MMP9: variants seen among roughly 807,000 people sequenced by gnomAD.
The protein encoded by MMP9 is matrix metalloproteinase-9.
In MMP9, 73 loss-of-function variants were observed where a neutral mutation model predicts 76.4. The observed-to-expected ratio is 0.96, with a 90% CI of 0.79 to 1.16. The LOEUF (loss-of-function observed/expected upper bound fraction) is 1.16. Among genes scored for constraint, MMP9 ranks in the 50% most tolerant of loss-of-function variants. MMP9 has a pLI of 0.00. For synonymous variants in MMP9, 412 were observed against 408.4 expected (o/e 1.01, Z -0.11); for missense variants, 943 against 973.0 (o/e 0.97, Z 0.41).
At chr20:46,010,231 C>T (rs2084267266) in intron 2 of MMP9, 133 bp downstream of exon 2, 3 of 904,356 alleles carry the variant, frequency 3.3e-6, no homozygotes, top group Non-Finnish European at 3.3e-6. Context: ...TGGGGAGTGT[C>T]CCCACCTCTG....
chr20:46,011,626 C>G lies in MMP9; in HGVS notation c.876C>G (p.Phe292Leu). The change falls in exon 6 of 13, where the codon TTC becomes TTG. Residue 292 changes from phenylalanine (F) to leucine (L), a missense_variant. Physicochemically the swap from Phe to Leu is conservative, Grantham distance 22. Transcript: ENST00000372330. Reference sequence around the variant, plus strand: ...ATGGGAAACCCTGCCAGTTTCCATTCATCTTCCAAGGCCAATCCTACTCCG... The same window carrying G: ...ATGGGAAACCCTGCCAGTTTCCATTGATCTTCCAAGGCCAATCCTACTCCG... ...NADGKPCQFP[F>L]IFQGQSYSAC... 5 of 1,613,942 alleles carry G rather than the reference C, an allele frequency of 3.1e-6. No homozygotes were observed. Among genetic ancestry groups the G allele is most frequent in the Non-Finnish European group, 4.2e-6 (5 of 1,179,984 alleles).
intron 8 of MMP9, 78 bp downstream of exon 8, chr20:46,012,660 G>GC: frequency 7.9e-7 from 1 of 1,267,960 alleles, no homozygotes; most frequent in Non-Finnish European, 1.1e-6. Flanking sequence ...GGGGGTTGGG[G>GC]ATCGGGGGAG....
At chr20:46,012,649 T>TGG in intron 8 of MMP9, 67 bp downstream of exon 8, 3 of 786,654 alleles carry the variant, frequency 3.8e-6, no homozygotes, top group Non-Finnish European at 3.6e-6. Flanking sequence ...ACCAAAGAAT[T>TGG]GGGGGTTGGG....
chr20:46,014,953 A>G (rs3918261), intron 12 of MMP9, among the ~76,000 whole-genome samples: 24,775 of 152,158 alleles, frequency 0.16, 2,125 homozygotes, highest in South Asian at 0.3. Flanking sequence ...GACAAGGTGA[A>G]CAAGATTTCC....
At chr20:46,011,899 A>G in intron 6 of MMP9, 152 bp downstream of exon 6, 1 of 1,080,384 alleles carries the variant, frequency 9.3e-7, no homozygotes, top group Non-Finnish European at 1.3e-6. Flanking sequence ...CATTTCCACC[A>G]CTATCCCTGA....
In MMP9 at chr20:46,011,042, A is replaced by G; in HGVS notation, c.641A>G (p.Lys214Arg). ...FDDDELWSLG[K>R]GVVVPTRFGN... ...GATGACGAGTTGTGGTCCCTGGGCAAGGGCGTCGGTGAGATTCTGAGTCCT... is the reference window on the plus strand; with the variant it reads ...GATGACGAGTTGTGGTCCCTGGGCAGGGGCGTCGGTGAGATTCTGAGTCCT... Residue 214 changes from lysine (K) to arginine (R), a missense_variant, in exon 4 of 13, where the codon AAG becomes AGG. Transcript: ENST00000372330. 1 of 1,610,226 alleles carries G rather than the reference A, an allele frequency of 6.2e-7. No homozygotes were observed. The highest frequency in any genetic ancestry group is 8.5e-7 in the Non-Finnish European group (1 of 1,177,664).
Position 46,016,501 on chromosome 20 carries a change from C to T in MMP9, c.*133C>T. The stretch of plus-strand genomic sequence containing the variant: ...GAGGAGTGGAGGTGGGCTGGGCCCT[C>T]TCTTCTCACCTTTGTTTTTTGTTGG... On this transcript the variant is annotated 3_prime_UTR_variant, in exon 13 of 13. Coordinates refer to ENST00000372330, the MANE Select transcript of MMP9 (RefSeq NM_004994.3). The T allele has an allele frequency of 1.3e-6, 1 of 746,086 alleles. No individual in the cohort carries two copies. 46.2% of individuals were successfully genotyped at this position (746,086 alleles called of 1,614,324 possible).
chr20:46,010,734 T>C, intron 3 of MMP9, 103 bp downstream of exon 3: 2 of 1,540,462 alleles, frequency 1.3e-6, no homozygotes, highest in South Asian at 1.2e-5. Context: ...TCCTCTTGCC[T>C]GCCCGCGCTG....
intron 2 of MMP9, 27 bp downstream of exon 2, chr20:46,010,125 G>C (rs994927689): frequency 6.6e-7 from 1 of 1,514,152 alleles, no homozygotes; most frequent in Non-Finnish European, 9.0e-7. Flanking sequence ...GGGGCAGCGG[G>C]GTGGGGCGGG....
chr20:46,010,771 A>G (rs2084273539), intron 3 of MMP9, 140 bp downstream of exon 3: 14 of 1,551,432 alleles, frequency 9.0e-6, no homozygotes, highest in Non-Finnish European at 1.2e-5. Flanking sequence ...CCCTCCTGCC[A>G]GACAGTGCAC....
chr20:46,012,619 G>A, intron 8 of MMP9, 37 bp downstream of exon 8: 2 of 1,611,082 alleles, frequency 1.2e-6, no homozygotes, highest in Non-Finnish European at 1.7e-6. Context: ...GGAGGGGAAA[G>A]GGCGTGGCTG....
Position 46,012,302 on chromosome 20 carries a change from G to A in MMP9, c.1163G>A (p.Cys388Tyr), listed in dbSNP as rs1220377464. 5 of 1,613,332 alleles carry A rather than the reference G, an allele frequency of 3.1e-6. No homozygotes were observed. The highest frequency in any genetic ancestry group is 3.4e-6 in the Non-Finnish European group (4 of 1,180,002). The change falls in exon 7 of 13, where the codon TGC becomes TAC. Residue 388 changes from cysteine (C) to tyrosine (Y), a missense_variant. Coordinates refer to ENST00000372330, the MANE Select transcript of MMP9 (RefSeq NM_004994.3). ...GACAGCGACAAGAAGTGGGGCTTCT[G>A]CCCGGACCAAGGTAGGCGTGGTCCC... The part of the protein sequence containing the change: ...NFDSDKKWGF[C>Y]PDQGYSLFLV...
chr20:46,010,875 CGCA>C, intron 3 of MMP9, 44 bp from the exon 4 acceptor site: 1 of 1,614,088 alleles, frequency 6.2e-7, no homozygotes, highest in Non-Finnish European at 8.5e-7. Context: ...GCACAATCTG[CGCA>C]GCAGTACTCG....
At position 46,013,852 on chromosome 20, in the gene MMP9, T is replaced by G; in HGVS notation, c.1750+56T>G. On this transcript the variant is annotated intron_variant, in intron 10 of 12. Coordinates refer to ENST00000372330, the MANE Select transcript of MMP9 (RefSeq NM_004994.3). This position sits in a 1 kb window ranked among gnomAD's most constrained non-coding sequence, Gnocchi z 4.5. ...GTCAATCCCCATCAGTCAAGGAGGC[T>G]CAAGAGACCATCGATAACCCACGAA... 6.2e-7 allele frequency: 1 copy of G among 1,606,284 alleles called. No individual in the cohort carries two copies. The highest frequency in any genetic ancestry group is 8.5e-7 in the Non-Finnish European group (1 of 1,176,454).
Position 46,013,986 on chromosome 20 carries a change from C to T in MMP9, c.1751-138C>T. On this transcript the variant is annotated intron_variant, in intron 10 of 12. Coordinates refer to ENST00000372330, the MANE Select transcript of MMP9 (RefSeq NM_004994.3). The surrounding 1 kb of genome is among the most constrained non-coding windows in gnomAD (Gnocchi z 4.5). ...TCTCCACGCCCTCGCGTCGCTCTACCCAGCGCCTCTGCCCCTGGGTTGCAG... is the reference window on the plus strand; with the variant it reads ...TCTCCACGCCCTCGCGTCGCTCTACTCAGCGCCTCTGCCCCTGGGTTGCAG... 1 of 1,437,520 alleles carries T rather than the reference C, an allele frequency of 7.0e-7. No individual in the cohort carries two copies. Among genetic ancestry groups the T allele is most frequent in the East Asian group, 2.5e-5 (1 of 40,224 alleles). 89.0% of individuals were successfully genotyped at this position (1,437,520 alleles called of 1,614,324 possible).
In MMP9 at chr20:46,010,475, C is replaced by G. The variant is rs765973004; in HGVS notation, c.372-8C>G. 29 of 1,613,912 alleles carry G rather than the reference C, an allele frequency of 1.8e-5. No individual in the cohort carries two copies. The highest frequency in any genetic ancestry group is 3.4e-6 in the Non-Finnish European group (4 of 1,180,036). ...TCTGACCTCCTTCCTCTGGCTCTTACGCTACAGGATCCAAAACTACTCGGA... is the reference window on the plus strand; with the variant it reads ...TCTGACCTCCTTCCTCTGGCTCTTAGGCTACAGGATCCAAAACTACTCGGA... On this transcript the variant is annotated splice_region_variant and splice_polypyrimidine_tract_variant and intron_variant, in intron 2 of 12. Transcript: ENST00000372330.
intron 12 of MMP9, 68 bp from the exon 13 acceptor site, chr20:46,016,182 C>G: frequency 1.4e-6 from 2 of 1,408,968 alleles, no homozygotes; most frequent in Non-Finnish European, 2.0e-6. Flanking sequence ...TTGTCAAGAT[C>G]TTGTTCCTAT....
rs750293045 is a variant in MMP9, at chr20:46,011,151, A to G, written c.658A>G (p.Thr220Ala). 11 of 1,613,662 alleles carry G rather than the reference A, an allele frequency of 6.8e-6. No individual in the cohort carries two copies. The highest frequency in any genetic ancestry group is 5.5e-5 in the South Asian group (5 of 91,066). Residue 220 changes from threonine (T) to alanine (A), a missense_variant, in exon 5 of 13, where the codon ACT (threonine) becomes GCT (alanine). Physicochemically the swap from Thr to Ala is moderately conservative, Grantham distance 58. Coordinates refer to ENST00000372330, the MANE Select transcript of MMP9 (RefSeq NM_004994.3). ...WSLGKGVVVP[T>A]RFGNADGAAC... ...CCCCCCTCCTCCTGCAGTGGTTCCA[A>G]CTCGGTTTGGAAACGCAGATGGCGC...
chr20:46,014,530 G>C (rs1294675316), intron 12 of MMP9, 56 bp downstream of exon 12: 3 of 1,491,346 alleles, frequency 2.0e-6, no homozygotes, highest in Non-Finnish European at 2.7e-6. Context: ...CTCTTAGTGA[G>C]TGGTCAAATT....
Sources: gnomAD v4.1 joint callset for allele counts (sites outside exome capture counted in the v4.1 genomes callset) on GRCh38, gnomAD v4.1.1 for gene constraint, Gnocchi (gnomAD v3.1) non-coding constraint, MANE v1.5 for transcripts, NCBI Gene and HGNC (gene_info 2026-07-23, HGNC 2026-07-21) for gene names.